The following IL21R variants were observed in gnomAD, a reference collection of about 807,000 sequenced individuals.
IL21R encodes the protein interleukin 21 receptor.
A neutral mutation model predicts 41.3 loss-of-function variants in IL21R; 14 were observed. The ratio of observed to expected loss-of-function variants is 0.34; its 90% CI spans 0.22 to 0.53. The LOEUF (loss-of-function observed/expected upper bound fraction) is 0.53, where lower values mean the gene tolerates loss of function less well. Among genes scored for constraint, IL21R ranks in the 20% least tolerant of loss-of-function variants. IL21R has a pLI of 0.94. For missense variants in IL21R, 588 were observed against 681.6 expected, an observed-to-expected ratio of 0.86 and a Z score of 1.53; for synonymous variants, 286 against 287.6, an observed-to-expected ratio of 0.99 and a Z score of 0.05.
At chr16:27,425,999 G>A (rs2087071101) in intron 1 of IL21R, among the ~76,000 whole-genome samples, 1 of 152,110 alleles carries the variant, frequency 6.6e-6, no homozygotes, top group Admixed American at 6.5e-5. Context: ...TTAGTTTTAT[G>A]GTAAGTTGAT....
At chr16:27,420,337 A>G (rs1294796765) in intron 1 of IL21R, among the ~76,000 whole-genome samples, 1 of 152,260 alleles carries the variant, frequency 6.6e-6, no homozygotes, top group Admixed American at 6.5e-5. Flanking sequence ...GGGCCCGCCT[A>G]TGTACATGCA....
chr16:27,425,518 G>A (rs750907593), intron 1 of IL21R, among the ~76,000 whole-genome samples: 3 of 151,982 alleles, frequency 2.0e-5, no homozygotes, highest in Admixed American at 6.6e-5. Context: ...TGGTGCTATC[G>A]CATCTTAAAC....
At chr16:27,443,202 G>A (rs2087421288) in intron 5 of IL21R, 86 bp downstream of exon 5, 1 of 1,244,682 alleles carries the variant, frequency 8.0e-7, no homozygotes. Flanking sequence ...AGAGACGGGT[G>A]AACAACATCA....
intron 1 of IL21R, among the ~76,000 whole-genome samples, chr16:27,407,902 A>G (rs2086772805): frequency 1.3e-5 from 2 of 152,200 alleles, no homozygotes; most frequent in African/African-American, 4.8e-5. Context: ...CTAAAGCTCC[A>G]GAAAAATGGG....
chr16:27,428,622 A>G (rs1285537637), intron 1 of IL21R, among the ~76,000 whole-genome samples: 1 of 152,248 alleles, frequency 6.6e-6, no homozygotes, highest in Non-Finnish European at 1.5e-5. Flanking sequence ...GGTGAAACAG[A>G]CAAGTCCCAG....
chr16:27,430,066 G>T lies in IL21R; in HGVS notation c.-6G>T. 1.2e-6 allele frequency: 2 copies of T among 1,606,592 alleles called. No homozygotes were observed. Among genetic ancestry groups the T allele is most frequent in the Non-Finnish European group, 1.7e-6 (2 of 1,179,822 alleles). ...GTACGTCTCTTGCAGGCCCGTGGGA[G>T]TCAGCATGCCGCGTGGCTGGGCCGC... is the stretch of plus-strand genomic sequence containing the variant. On this transcript the variant is annotated 5_prime_UTR_variant, in exon 2 of 9. Transcript: ENST00000337929.
At chr16:27,429,959 A>T (rs1435043224) in intron 1 of IL21R, 97 bp from the exon 2 acceptor site, 2 of 1,037,064 alleles carry the variant, frequency 1.9e-6, no homozygotes, top group Non-Finnish European at 2.8e-6. Flanking sequence ...AGTTCCAAGA[A>T]TCAGGGGCAA....
intron 1 of IL21R, among the ~76,000 whole-genome samples, chr16:27,414,186 G>GTGTGTGTGTGTA (rs1016862427): frequency 5.9e-5 from 9 of 151,834 alleles, no homozygotes; most frequent in African/African-American, 2.2e-4. Context: ...GTGTGTGTGT[G>GTGTGTGTGTGTA]TGTGATCGTA....
chr16:27,403,204 G>C, intron 1 of IL21R: 1 of 1,341,768 alleles, frequency 7.5e-7, no homozygotes, highest in Non-Finnish European at 9.8e-7. Context: ...CATGAAGCAC[G>C]GGGAACGGGT....
At chr16:27,431,911 C>T (rs1420144323) in intron 2 of IL21R, among the ~76,000 whole-genome samples, 1 of 152,214 alleles carries the variant, frequency 6.6e-6, no homozygotes, top group Non-Finnish European at 1.5e-5. Flanking sequence ...CCCAAAAGTG[C>T]TGGGATTACC....
rs1680021907 is a variant in IL21R at position 27,439,841 on chromosome 16, G to T, written c.352+2154G>T. ...CCGCCGAGGGTCCCTTCCTCCTCCTGGGCCCTGGGCCTCGCTGGGCTGAGC... is the reference window on the plus strand; with the variant it reads ...CCGCCGAGGGTCCCTTCCTCCTCCTTGGCCCTGGGCCTCGCTGGGCTGAGC... On this transcript the variant is annotated intron_variant, in intron 4 of 8. Transcript: ENST00000337929. 3.3e-5 allele frequency among the ~76,000 whole-genome samples: 5 copies of T among 152,210 alleles called. No homozygotes were observed. In the South Asian group the frequency reaches 1.0e-3, roughly 32 times the overall value.
chr16:27,424,321 A>T (rs1265203190), intron 1 of IL21R, among the ~76,000 whole-genome samples: 1 of 152,066 alleles, frequency 6.6e-6, no homozygotes. Flanking sequence ...TGATCCACCC[A>T]CCTCGGCCTC....
chr16:27,443,724 A>G (rs1462576537), intron 5 of IL21R, among the ~76,000 whole-genome samples: 1 of 135,978 alleles, frequency 7.4e-6, no homozygotes, highest in African/African-American at 3.0e-5. Context: ...CGGAGGTTGC[A>G]GTGAGCTGGG....
At chr16:27,416,291 C>T (rs2086893239) in intron 1 of IL21R, among the ~76,000 whole-genome samples, 1 of 151,876 alleles carries the variant, frequency 6.6e-6, no homozygotes, top group Non-Finnish European at 1.5e-5. Context: ...TTTGCGCCAC[C>T]ACACCTGGCT....
At position 27,446,074 on chromosome 16, in the gene IL21R, A is replaced by C; in HGVS notation, c.853A>C (p.Ser285Arg). The part of the protein sequence containing the change: ...RFFMPLYKGC[S>R]GDFKKWVGAP... ...CTTCATGCCCCTGTACAAGGGCTGC[A>C]GCGGAGACTTCAAGGTGAGCTCCCG... Residue 285 changes from serine (S) to arginine (R), a missense_variant, in exon 8 of 9, where the codon AGC becomes CGC. Ser to Arg is a moderately radical substitution (Grantham distance 110). Coordinates refer to ENST00000337929, the MANE Select transcript of IL21R (RefSeq NM_181078.3). The C allele has an allele frequency of 6.2e-7, 1 of 1,613,638 alleles. No individual in the cohort carries two copies. Among genetic ancestry groups the C allele is most frequent in the Non-Finnish European group, 8.5e-7 (1 of 1,179,808 alleles).
At chr16:27,436,915 AT>A (rs2087280414) in intron 3 of IL21R, among the ~76,000 whole-genome samples, 1 of 152,176 alleles carries the variant, frequency 6.6e-6, no homozygotes, top group Non-Finnish European at 1.5e-5. Context: ...TCTACAAAAA[AT>A]ACAAAAAGTT....
chr16:27,440,279 A>AGG (rs1567370043), intron 4 of IL21R, among the ~76,000 whole-genome samples: 1 of 131,860 alleles, frequency 7.6e-6, no homozygotes, highest in African/African-American at 3.1e-5. Context: ...AGAGAGAGAG[A>AGG]GCGAGCAAGC....
At chr16:27,413,155 A>T (rs573955702) in intron 1 of IL21R, among the ~76,000 whole-genome samples, 5 of 152,182 alleles carry the variant, frequency 3.3e-5, no homozygotes, top group African/African-American at 1.2e-4. Context: ...AGTTCCTTGA[A>T]TGTTTTCTTT....
At chr16:27,437,826 C>G (rs1231132335) in intron 4 of IL21R, 139 bp downstream of exon 4, 2 of 672,760 alleles carry the variant, frequency 3.0e-6, no homozygotes, top group Non-Finnish European at 5.2e-6. Flanking sequence ...CTACACCCAG[C>G]TAATTTTTGT....
Sources: gnomAD v4.1 joint callset for allele counts (sites outside exome capture counted in the v4.1 genomes callset) on GRCh38, gnomAD v4.1.1 for gene constraint, MANE v1.5 for transcripts, NCBI Gene and HGNC (gene_info 2026-07-23, HGNC 2026-07-21) for gene names.